Variants in LTBP4 observed in about 807,000 individuals in gnomAD.
LTBP4 encodes the protein latent transforming growth factor beta binding protein 4.
A neutral mutation model predicts 180.2 loss-of-function variants in LTBP4; 93 were observed. The ratio of observed to expected loss-of-function variants is 0.52; its 90% confidence interval spans 0.44 to 0.61. The LOEUF is 0.61. Among genes scored for constraint, LTBP4 ranks in the 20% least tolerant of loss-of-function variants. The pLI is 0.00. For synonymous variants in LTBP4, 947 were observed against 934.5 expected (o/e 1.01, Z -0.24); for missense variants, 2,116 against 2,256.5 (o/e 0.94, Z 1.26).
Position 40,612,183 on chromosome 19 carries a change from A to G in LTBP4, c.2290A>G (p.Arg764Gly). The G allele has an allele frequency of 6.2e-7, 1 of 1,604,636 alleles. No individual in the cohort carries two copies. Among genetic ancestry groups the G allele is most frequent in the Non-Finnish European group, 8.5e-7 (1 of 1,176,140 alleles). Residue 764 changes from arginine to glycine, a missense_variant, in exon 15 of 30, where the codon AGA becomes GGA. Arg to Gly is a moderately radical substitution (Grantham distance 125). Coordinates refer to ENST00000396819, the MANE Select transcript of LTBP4 (RefSeq NM_001042545.2). ...CPSGHHLHRG[R>G]CTDVDECSSG... ...TTCTGGCCACCACCTGCACCGTGGC[A>G]GATGCACTGGTGAGACCAGGCCCTG...
intron 9 of LTBP4, 99 bp downstream of exon 9, chr19:40,608,702 G>T: frequency 7.2e-7 from 1 of 1,391,242 alleles, no homozygotes. Flanking sequence ...CACCAGGTCA[G>T]GAGTTCGAGA....
At chr19:40,596,509 A>AGGACCC (rs2081391261), upstream of LTBP4, among the ~76,000 whole-genome samples, 1 of 147,252 alleles carries the variant, frequency 6.8e-6, no homozygotes, top group South Asian at 2.2e-4. Context: ...AGCCAGGAGC[A>AGGACCC]CCCTGGGAGC....
At position 40,611,807 on chromosome 19, in the gene LTBP4, T is replaced by C. The variant is rs1002000702; in HGVS notation, c.2054-52T>C. On this transcript the variant is annotated intron_variant, in intron 13 of 29. Coordinates refer to ENST00000396819, the MANE Select transcript of LTBP4 (RefSeq NM_001042545.2). This position sits in a 1 kb window ranked among gnomAD's most constrained non-coding sequence, Gnocchi z 4.4. ...ATGCTGGGGTGGGTGGTGATGGCCA[T>C]GGGAATGGATTCAGGCCCCTTCCTC... 8 of 1,569,488 alleles carry C rather than the reference T, an allele frequency of 5.1e-6. No individual in the cohort carries two copies. The highest frequency in any genetic ancestry group is 1.8e-5 in the Admixed American group (1 of 55,860).
chr19:40,613,357 T>C lies in LTBP4; in HGVS notation c.2432-47T>C, dbSNP rs747924054. ...TACTGCGATGTGGGCGGAGCTTGTC[T>C]GGGAGGCCGGGTCCCGTGACTCCGC... On this transcript the variant is annotated intron_variant, in intron 16 of 29. Coordinates refer to ENST00000396819, the MANE Select transcript of LTBP4 (RefSeq NM_001042545.2). The surrounding 1 kb of genome is among the most constrained non-coding windows in gnomAD (Gnocchi z 5.0). The C allele has an allele frequency of 6.3e-7, 1 of 1,587,246 alleles. No individual in the cohort carries two copies. Among genetic ancestry groups the C allele is most frequent in the African/African-American group, 1.3e-5 (1 of 74,318 alleles).
chr19:40,609,641 C>G lies in LTBP4; in HGVS notation c.1538C>G (p.Pro513Arg). 1.2e-6 allele frequency: 2 copies of G among 1,613,212 alleles called. No individual in the cohort carries two copies. Among genetic ancestry groups the G allele is most frequent in the Non-Finnish European group, 8.5e-7 (1 of 1,179,774 alleles). The change falls in exon 10 of 30, where the codon CCC (proline) becomes CGC (arginine). Residue 513 changes from proline (P) to arginine (R), a missense_variant. By Grantham distance (103) the Pro-to-Arg change is moderately radical. This residue lies in a region of LTBP4 where 877 missense variants were observed against 873.6 expected (regional missense o/e 1.00). Transcript: ENST00000396819. The surrounding 1 kb of genome is among the most constrained non-coding windows in gnomAD (Gnocchi z 4.9). ...TGCGACTCTGGCTTCCGGCTCAGCC[C>G]CCAGGGCACCCGATGCATTGGTGAG... ...CACDSGFRLS[P>R]QGTRCIDVDE...
chr19:40,622,629 G>A lies in LTBP4; in HGVS notation c.3446G>A (p.Ser1149Asn), dbSNP rs375879929. The A allele has an allele frequency of 6.2e-7, 1 of 1,608,916 alleles. No individual in the cohort carries two copies. Among genetic ancestry groups the A allele is most frequent in the East Asian group, 2.2e-5 (1 of 44,778 alleles). ...TGTACTGTGGGTGAGGGCTGGGGCA[G>A]CGGCTGCCGCATCCAGCAGTGCCCG... is the stretch of plus-strand genomic sequence containing the variant. ...CCCTVGEGWG[S>N]GCRIQQCPGT... Residue 1149 changes from serine (S) to asparagine (N), a missense_variant, in exon 23 of 30, where the codon AGC (serine) becomes AAC (asparagine). By Grantham distance (46) the Ser-to-Asn change is conservative. Transcript: ENST00000396819. The surrounding 1 kb of genome is among the most constrained non-coding windows in gnomAD (Gnocchi z 5.1).
In LTBP4 at chr19:40,623,640, G is replaced by A; in HGVS notation, c.3593G>A (p.Cys1198Tyr). The change falls in exon 25 of 30, where the codon TGC (cysteine) becomes TAC (tyrosine). Residue 1198 changes from cysteine to tyrosine, a missense_variant. Cys to Tyr is a radical substitution (Grantham distance 194). Coordinates refer to ENST00000396819, the MANE Select transcript of LTBP4 (RefSeq NM_001042545.2). ...TGTCAGCTCTTCCGAGACCAGGTGT[G>A]CAAGAGTGGCGTGTGTGTGAACACG... is the stretch of plus-strand genomic sequence containing the variant. ...DECQLFRDQV[C>Y]KSGVCVNTAP... 6.2e-7 allele frequency: 1 copy of A among 1,613,812 alleles called. No homozygotes were observed. The highest frequency in any genetic ancestry group is 8.5e-7 in the Non-Finnish European group (1 of 1,179,872).
chr19:40,610,811 G>A, intron 12 of LTBP4, 154 bp downstream of exon 12: 2 of 1,186,382 alleles, frequency 1.7e-6, no homozygotes, highest in Non-Finnish European at 2.3e-6. Flanking sequence ...TGGCAGTAGA[G>A]AGAGACCTGG....
chr19:40,597,146 G>C, upstream of LTBP4: 1 of 1,196,174 alleles, frequency 8.4e-7, no homozygotes, highest in Non-Finnish European at 1.1e-6. Context: ...CCTCGGGCGG[G>C]GGCGGGGGCG....
intron 1 of LTBP4, among the ~76,000 whole-genome samples, chr19:40,594,827 T>C: frequency 6.6e-6 from 1 of 151,808 alleles, no homozygotes; most frequent in East Asian, 1.9e-4. Flanking sequence ...AGTAATGGTG[T>C]GTAGCCGTGT....
upstream of LTBP4, among the ~76,000 whole-genome samples, chr19:40,598,084 G>A (rs938902223): frequency 1.3e-5 from 2 of 152,110 alleles, no homozygotes; most frequent in African/African-American, 4.8e-5. Flanking sequence ...TGCGGGTGAC[G>A]GGACTGAAGG....
intron 1 of LTBP4, among the ~76,000 whole-genome samples, chr19:40,595,039 G>A (rs567079778): frequency 8.2e-4 from 125 of 152,178 alleles, no homozygotes; most frequent in African/African-American, 2.9e-3. Flanking sequence ...GATCCACGAG[G>A]TGGGGGCGGG....
At chr19:40,602,238 C>G (rs989729154) in intron 1 of LTBP4, among the ~76,000 whole-genome samples, 14 of 149,898 alleles carry the variant, frequency 9.3e-5, no homozygotes, top group African/African-American at 3.5e-4. Context: ...AGGGGTCCCA[C>G]GTGCGACAGA....
rs766500900 is a variant in LTBP4, at chr19:40,611,216, C to T, written c.1875C>T (p.Gly625=). ...CGRGACKNLP[G]SFRCVCPAGF... The stretch of plus-strand genomic sequence containing the variant: ...GAGGGGCCTGCAAGAACCTGCCTGG[C>T]TCTTTCCGCTGTGTTTGCCCGGCTG... Residue 625 remains glycine (G), a synonymous_variant, in exon 13 of 30, where the codon GGC becomes GGT. Transcript: ENST00000396819. The surrounding 1 kb of genome is among the most constrained non-coding windows in gnomAD (Gnocchi z 4.4). 1 of 1,613,804 alleles carries T rather than the reference C, an allele frequency of 6.2e-7. No homozygotes were observed. Among genetic ancestry groups the T allele is most frequent in the South Asian group, 1.1e-5 (1 of 91,066 alleles).
chr19:40,622,404 C>T lies in LTBP4; in HGVS notation c.3221C>T (p.Thr1074Met), dbSNP rs10880. The T allele has an allele frequency of 0.36, 554,001 of 1,523,288 alleles. 103,255 individuals are homozygous for T. Among genetic ancestry groups the T allele is most frequent in the South Asian group, 0.49 (39,125 of 79,122 alleles). 94.4% of individuals were successfully genotyped at this position (1,523,288 alleles called of 1,614,324 possible). ...CTAAAGCTCCTTGTCTCCCCAGGCA[C>T]GTTCCCAGGCTCGCAGCCCCAGGCA... ...RCVPPRTSAG[T>M]FPGSQPQAPA... Residue 1074 changes from threonine (T) to methionine (M), a missense_variant, in exon 23 of 30, where the codon ACG (threonine) becomes ATG (methionine). Physicochemically the swap from Thr to Met is moderately conservative, Grantham distance 81. This residue lies in a region of LTBP4 where 278 missense variants were observed against 373.0 expected (regional missense o/e 0.75). Coordinates refer to ENST00000396819, the MANE Select transcript of LTBP4 (RefSeq NM_001042545.2). The surrounding 1 kb of genome is among the most constrained non-coding windows in gnomAD (Gnocchi z 5.1).
chr19:40,605,606 A>T lies in LTBP4; in HGVS notation c.644A>T (p.Asp215Val), dbSNP rs898541945. 1 of 1,597,836 alleles carries T rather than the reference A, an allele frequency of 6.3e-7. No individual in the cohort carries two copies. The highest frequency in any genetic ancestry group is 8.5e-7 in the Non-Finnish European group (1 of 1,172,320). The change falls in exon 3 of 30, where the codon GAT becomes GTT. Residue 215 changes from aspartate (D) to valine (V), a missense_variant. Physicochemically the swap from Asp to Val is radical, Grantham distance 152. Transcript: ENST00000396819. This position sits in a 1 kb window ranked among gnomAD's most constrained non-coding sequence, Gnocchi z 5.5. ...GCGCCGCGGGAGGACGGCTACTCAGATGCCTCGGGCTTCGGTTACTGCTTT... is the reference window on the plus strand; with the variant it reads ...GCGCCGCGGGAGGACGGCTACTCAGTTGCCTCGGGCTTCGGTTACTGCTTT... ...QSAPREDGYS[D>V]ASGFGYCFRE...
intron 19 of LTBP4, among the ~76,000 whole-genome samples, chr19:40,614,937 T>C (rs552861454): frequency 6.6e-6 from 1 of 152,280 alleles, no homozygotes; most frequent in East Asian, 1.9e-4. Flanking sequence ...CTCCTAGCAT[T>C]GGCCCCCGCC....
At position 40,608,469 on chromosome 19, in the gene LTBP4, C is replaced by A. The variant is rs1351230897; in HGVS notation, c.1307-15C>A. ...AGGATTTGGGCTCCACTCGTTGATA[C>A]CCCTTCTTTATCAGGCTTTCTGCCC... On this transcript the variant is annotated splice_polypyrimidine_tract_variant and intron_variant, in intron 8 of 29. Coordinates refer to ENST00000396819, the MANE Select transcript of LTBP4 (RefSeq NM_001042545.2). The A allele has an allele frequency of 3.1e-6, 5 of 1,596,910 alleles. No homozygotes were observed. The highest frequency in any genetic ancestry group is 1.3e-5 in the African/African-American group (1 of 74,590).
chr19:40,612,296 A>G (rs2081513717), intron 15 of LTBP4, 104 bp downstream of exon 15: 1 of 1,401,304 alleles, frequency 7.1e-7, no homozygotes, highest in African/African-American at 1.4e-5. Context: ...CCTGGACCTC[A>G]GTCCCTCAGT....
Sources: allele counts gnomAD v4.1 joint callset (sites outside exome capture counted in the v4.1 genomes callset), GRCh38; gene constraint gnomAD v4.1.1; regional missense constraint gnomAD v4.1.1; non-coding constraint Gnocchi (gnomAD v3.1); transcripts MANE v1.5; gene names NCBI Gene and HGNC (gene_info 2026-07-23, HGNC 2026-07-21).